The following BCL11B variants were observed in gnomAD, a reference collection of about 807,000 sequenced individuals.
BCL11B encodes B-cell lymphoma/leukemia 11B.
BCL11B carries 8 observed loss-of-function variants against 49.9 expected under a neutral mutation model. The ratio of observed to expected loss-of-function variants is 0.16; its 90% CI spans 0.09 to 0.29. The LOEUF (loss-of-function observed/expected upper bound fraction) is 0.29. BCL11B is among the 10% of genes least tolerant of loss of function. The probability of loss-of-function intolerance (pLI) is 1.00; values close to 1 mark genes in which losing one functional copy is unlikely to be tolerated. For synonymous variants in BCL11B, 739 were observed against 637.4 expected, an observed-to-expected ratio of 1.16 and a Z score of -2.40; for missense variants, 1,006 against 1,351.0, an observed-to-expected ratio of 0.74 and a Z score of 4.00.
intron 3 of BCL11B, among the ~76,000 whole-genome samples, chr14:99,179,650 C>A (rs753734036): frequency 6.6e-6 from 1 of 152,044 alleles, no homozygotes; most frequent in Non-Finnish European, 1.5e-5. Flanking sequence ...GTCCGGGAAC[C>A]GCTTTGGTTC....
At chr14:99,179,911 C>T (rs964335622) in intron 3 of BCL11B, among the ~76,000 whole-genome samples, 24 of 152,188 alleles carry the variant, frequency 1.6e-4, no homozygotes, top group Non-Finnish European at 1.5e-4. Context: ...GGAACAATGT[C>T]AGAAAGTCTT....
rs1219609183 is a variant in BCL11B, at chr14:99,250,668, A to G, written c.427+6803T>C. 4.6e-5 allele frequency among the ~76,000 whole-genome samples: 7 copies of G among 152,308 alleles called. No individual in the cohort carries two copies. The East Asian group carries it at 9.6e-4, about 21-fold the overall frequency. On this transcript the variant is annotated intron_variant, in intron 2 of 3. Coordinates refer to ENST00000357195, the MANE Select transcript of BCL11B (RefSeq NM_138576.4). ...CCTGATTAAAAAAACTTTAGTCAAT[A>G]CTAACTATTTACTGTCAAATAGACA...
intron 3 of BCL11B, among the ~76,000 whole-genome samples, chr14:99,198,184 T>C (rs959664735): frequency 6.6e-6 from 1 of 152,234 alleles, no homozygotes; most frequent in Non-Finnish European, 1.5e-5. Flanking sequence ...ATCAGTGTCA[T>C]TGCACTGTCT....
chr14:99,187,983 G>A (rs1032571794), intron 3 of BCL11B, among the ~76,000 whole-genome samples: 8 of 152,206 alleles, frequency 5.3e-5, no homozygotes, highest in South Asian at 2.1e-4. Flanking sequence ...GGAGAGCCTC[G>A]ATACCGAGTT....
chr14:99,225,820 A>G (rs1489055912), intron 3 of BCL11B, among the ~76,000 whole-genome samples: 3 of 152,216 alleles, frequency 2.0e-5, no homozygotes, highest in Non-Finnish European at 4.4e-5. Context: ...GCGAGGCTGC[A>G]GCGATCTCCA....
At chr14:99,199,000 C>T (rs962943952) in intron 3 of BCL11B, among the ~76,000 whole-genome samples, 17 of 152,084 alleles carry the variant, frequency 1.1e-4, no homozygotes, top group Non-Finnish European at 2.2e-4. Context: ...GGACGCTTTG[C>T]GCGGGGCCGT....
Position 99,271,252 on chromosome 14 carries a change from G to C in BCL11B, c.-34C>G. ...CATCTATTCTGGCATCGCCCGGAGAGCTGCACTGATGGGGGGAGCCGGGGG... is the reference window on the plus strand; with the variant it reads ...CATCTATTCTGGCATCGCCCGGAGACCTGCACTGATGGGGGGAGCCGGGGG... On this transcript the variant is annotated 5_prime_UTR_variant, in exon 1 of 4. Coordinates refer to ENST00000357195, the MANE Select transcript of BCL11B (RefSeq NM_138576.4). 7.1e-7 allele frequency: 1 copy of C among 1,413,920 alleles called. No individual in the cohort carries two copies. The highest frequency in any genetic ancestry group is 9.3e-7 in the Non-Finnish European group (1 of 1,079,862). The allele number at this position is 1,413,920 out of a possible 1,614,324, so 87.6% of individuals were successfully genotyped here.
intron 3 of BCL11B, among the ~76,000 whole-genome samples, chr14:99,185,079 A>T (rs1276784244): frequency 6.6e-6 from 1 of 152,176 alleles, no homozygotes; most frequent in East Asian, 1.9e-4. Flanking sequence ...GACACAGAGA[A>T]TTGTCAGACA....
At chr14:99,221,225 T>C (rs1156990137) in intron 3 of BCL11B, among the ~76,000 whole-genome samples, 1 of 152,184 alleles carries the variant, frequency 6.6e-6, no homozygotes, top group Non-Finnish European at 1.5e-5. Flanking sequence ...AGGAAATTCA[T>C]GCAAAAGAAC....
At chr14:99,254,885 A>G (rs1286737980) in intron 2 of BCL11B, among the ~76,000 whole-genome samples, 2 of 152,252 alleles carry the variant, frequency 1.3e-5, no homozygotes, top group Non-Finnish European at 2.9e-5. Flanking sequence ...TTTATTTTAC[A>G]ATAAATAACT....
rs1393720821 is a variant in BCL11B, at chr14:99,232,800, C to T, written c.428-1243G>A. On this transcript the variant is annotated intron_variant, in intron 2 of 3. Transcript: ENST00000357195. The surrounding 1 kb of genome is among the most constrained non-coding windows in gnomAD (Gnocchi z 5.1). The stretch of plus-strand genomic sequence containing the variant: ...CCCATCCAAACCCCAGCTGTCTGGC[C>T]CCAGAACCAGGGCTCTTTCTCTGTA... 2.0e-5 allele frequency among the ~76,000 whole-genome samples: 3 copies of T among 152,164 alleles called. No individual in the cohort carries two copies. The highest frequency in any genetic ancestry group is 2.4e-5 in the African/African-American group (1 of 41,440).
rs957399278 is a variant in BCL11B, at chr14:99,257,428, G to A, written c.427+43C>T. 2 of 1,551,392 alleles carry A rather than the reference G, an allele frequency of 1.3e-6. No homozygotes were observed. Among genetic ancestry groups the A allele is most frequent in the East Asian group, 2.3e-5 (1 of 44,042 alleles). On this transcript the variant is annotated intron_variant, in intron 2 of 3. Coordinates refer to ENST00000357195, the MANE Select transcript of BCL11B (RefSeq NM_138576.4). The surrounding 1 kb of genome is among the most constrained non-coding windows in gnomAD (Gnocchi z 6.2). Reference sequence around the variant, plus strand: ...CTCAGGCAGAGGGCATGGGACCCAGGAGGTGGCTTCCACAGCAACCAGGCA... The same window carrying A: ...CTCAGGCAGAGGGCATGGGACCCAGAAGGTGGCTTCCACAGCAACCAGGCA...
At chr14:99,198,110 C>T (rs921169656) in intron 3 of BCL11B, among the ~76,000 whole-genome samples, 1 of 152,134 alleles carries the variant, frequency 6.6e-6, no homozygotes, top group Non-Finnish European at 1.5e-5. Flanking sequence ...CAGAGGCTGC[C>T]GATGCAGGGT....
In BCL11B at chr14:99,228,957, T is replaced by C. The variant is rs1209950494; in HGVS notation, c.640+2388A>G. Among the ~76,000 whole-genome samples the C allele has an allele frequency of 1.3e-5, 2 of 151,788 alleles. No homozygotes were observed. The highest frequency in any genetic ancestry group is 1.3e-4 in the Admixed American group (2 of 15,252). On this transcript the variant is annotated intron_variant, in intron 3 of 3. Transcript: ENST00000357195. This position sits in a 1 kb window ranked among gnomAD's most constrained non-coding sequence, Gnocchi z 4.8. ...ATGGATGAACGGATGGGTGGATGGA[T>C]GGATGCATGGATGGATGCATGGATG...
intron 3 of BCL11B, among the ~76,000 whole-genome samples, chr14:99,217,444 G>A (rs1016348544): frequency 6.9e-6 from 1 of 145,512 alleles, no homozygotes; most frequent in African/African-American, 2.6e-5. Context: ...TCTGTGCCAG[G>A]CCCAAGGACC....
chr14:99,179,969 T>A (rs1400516096), intron 3 of BCL11B, among the ~76,000 whole-genome samples: 5 of 152,142 alleles, frequency 3.3e-5, no homozygotes, highest in Non-Finnish European at 7.3e-5. Context: ...CGCTAAATAT[T>A]TTAAACACAT....
chr14:99,232,301 C>T lies in BCL11B; in HGVS notation c.428-744G>A, dbSNP rs1415130957. On this transcript the variant is annotated intron_variant, in intron 2 of 3. Coordinates refer to ENST00000357195, the MANE Select transcript of BCL11B (RefSeq NM_138576.4). This position sits in a 1 kb window ranked among gnomAD's most constrained non-coding sequence, Gnocchi z 5.1. ...AAGGACACAGGGCCAGGGCCGGCCC[C>T]GCCTCTGCCCAGCCCCACAGCTCGC... 6.6e-6 allele frequency among the ~76,000 whole-genome samples: 1 copy of T among 152,226 alleles called. No individual in the cohort carries two copies. Among genetic ancestry groups the T allele is most frequent in the Admixed American group, 6.5e-5 (1 of 15,286 alleles).
chr14:99,169,372 G>C lies in BCL11B; in HGVS notation c.*4779C>G. 5.1e-6 allele frequency: 1 copy of C among 194,522 alleles called. No individual in the cohort carries two copies. 12.0% of individuals were successfully genotyped at this position (194,522 alleles called of 1,614,324 possible). On this transcript the variant is annotated 3_prime_UTR_variant, in exon 4 of 4. Transcript: ENST00000357195. ...TTTTGAACAAGCGTACAAATGAAAT[G>C]GCAGACACATGCTGAACTCAACATT... is the stretch of plus-strand genomic sequence containing the variant.
In BCL11B at chr14:99,257,167, G is replaced by A. The variant is rs1433671139; in HGVS notation, c.427+304C>T. 6.6e-6 allele frequency among the ~76,000 whole-genome samples: 1 copy of A among 152,160 alleles called. No homozygotes were observed. On this transcript the variant is annotated intron_variant, in intron 2 of 3. Transcript: ENST00000357195. This position sits in a 1 kb window ranked among gnomAD's most constrained non-coding sequence, Gnocchi z 6.2. ...TAAGCCAAGATCAGTAGCAAAGAGA[G>A]GGCCAACCAGACTTCCAAATTTTCA...
Sources: gnomAD v4.1 joint callset for allele counts (sites outside exome capture counted in the v4.1 genomes callset) on GRCh38, gnomAD v4.1.1 for gene constraint, Gnocchi (gnomAD v3.1) non-coding constraint, MANE v1.5 for transcripts, NCBI Gene and HGNC (gene_info 2026-07-23, HGNC 2026-07-21) for gene names.